Variants in RAB3B observed in about 807,000 individuals in gnomAD.
RAB3B encodes ras-related protein Rab-3B.
RAB3B carries 11 observed loss-of-function variants against 20.5 expected under a neutral mutation model. That is an observed-to-expected ratio of 0.54 (90% CI 0.34 to 0.89). The LOEUF (loss-of-function observed/expected upper bound fraction) is 0.89. Ranked by LOEUF, RAB3B falls within the 40% of genes least tolerant of loss-of-function variation. The pLI, the probability that RAB3B is intolerant of heterozygous loss-of-function variation, is 0.02. For synonymous variants in RAB3B, 99 were observed against 106.3 expected (o/e 0.93, Z 0.42); for missense variants, 225 against 280.9 (o/e 0.80, Z 1.42).
intron 2 of RAB3B, among the ~76,000 whole-genome samples, chr1:51,946,396 A>G (rs1684566163): frequency 6.6e-6 from 1 of 152,228 alleles, no homozygotes; most frequent in African/African-American, 2.4e-5. Context: ...TTCTCCTCCT[A>G]CTGATGAGAG....
intron 2 of RAB3B, among the ~76,000 whole-genome samples, chr1:51,966,603 T>C (rs1429740294): frequency 2.0e-5 from 3 of 152,148 alleles, no homozygotes; most frequent in African/African-American, 4.8e-5. Flanking sequence ...TGACTCCCCA[T>C]GGTCTTTGTT....
intron 2 of RAB3B, among the ~76,000 whole-genome samples, chr1:51,944,158 G>GC (rs1684532049): frequency 6.6e-6 from 1 of 152,126 alleles, no homozygotes; most frequent in South Asian, 2.1e-4. Flanking sequence ...AAATCCAAGG[G>GC]CCCCTCAAAA....
intron 2 of RAB3B, among the ~76,000 whole-genome samples, chr1:51,971,039 A>C (rs1008424031): frequency 2.6e-5 from 4 of 151,214 alleles, no homozygotes; most frequent in African/African-American, 9.7e-5. Context: ...AAAAAGAAAG[A>C]AAGCAACCCA....
chr1:51,978,742 T>C (rs1396551936), intron 1 of RAB3B, among the ~76,000 whole-genome samples: 3 of 152,158 alleles, frequency 2.0e-5, no homozygotes, highest in Admixed American at 6.6e-5. Flanking sequence ...AGGACAGCAT[T>C]CAAGTGTGAT....
At chr1:51,943,153 G>A (rs1384194651) in intron 2 of RAB3B, among the ~76,000 whole-genome samples, 1 of 152,130 alleles carries the variant, frequency 6.6e-6, no homozygotes, top group East Asian at 1.9e-4. Flanking sequence ...GGAGGCCGAG[G>A]CAGGTGGACC....
chr1:51,959,339 T>A (rs1460180008), intron 2 of RAB3B, among the ~76,000 whole-genome samples: 1 of 151,894 alleles, frequency 6.6e-6, no homozygotes, highest in Non-Finnish European at 1.5e-5. Context: ...TGCAAAAAAC[T>A]GAGACCCTGT....
At chr1:51,933,520 T>C (rs1390985546) in intron 3 of RAB3B, 78 bp from the exon 4 acceptor site, 13 of 1,376,350 alleles carry the variant, frequency 9.4e-6, no homozygotes, top group South Asian at 1.3e-5. Context: ...CAAATTTACA[T>C]GTTGAAGCCT....
At chr1:51,973,303 C>A (rs1231991060) in intron 2 of RAB3B, 2 of 152,104 alleles carry the variant, frequency 1.3e-5, no homozygotes, top group African/African-American at 4.8e-5. Flanking sequence ...CTAATGTATT[C>A]ATGAATAGTC....
chr1:51,923,177 G>A (rs1684195438), intron 4 of RAB3B, among the ~76,000 whole-genome samples: 1 of 152,182 alleles, frequency 6.6e-6, no homozygotes, highest in Non-Finnish European at 1.5e-5. Context: ...AGTGGGGTGG[G>A]GCAAGGCAAG....
At chr1:51,934,346 T>C (rs1684367022) in intron 3 of RAB3B, among the ~76,000 whole-genome samples, 1 of 152,140 alleles carries the variant, frequency 6.6e-6, no homozygotes, top group Admixed American at 6.6e-5. Context: ...AAGCTTCTCC[T>C]AGATCCACTT....
At chr1:51,933,217 C>A in intron 4 of RAB3B, 101 bp downstream of exon 4, 1 of 1,287,470 alleles carries the variant, frequency 7.8e-7, no homozygotes, top group Non-Finnish European at 1.1e-6. Flanking sequence ...ACAATCACAA[C>A]ACTAATGTCA....
At chr1:51,942,326 C>T (rs191866756) in intron 2 of RAB3B, among the ~76,000 whole-genome samples, 105 of 152,302 alleles carry the variant, frequency 6.9e-4, no homozygotes, top group Middle Eastern at 6.8e-3. Context: ...TCTTGTCACC[C>T]AACTGAATCC....
chr1:51,987,305 A>G (rs905991723), intron 1 of RAB3B, among the ~76,000 whole-genome samples: 1 of 152,158 alleles, frequency 6.6e-6, no homozygotes, highest in African/African-American at 2.4e-5. Context: ...AGTCCAAGAG[A>G]CCTGGCATTT....
chr1:51,960,499 G>A (rs972383305), intron 2 of RAB3B, among the ~76,000 whole-genome samples: 4 of 152,138 alleles, frequency 2.6e-5, no homozygotes, highest in Non-Finnish European at 5.9e-5. Context: ...TCCAGCTGTC[G>A]CCTGGCAACC....
intron 1 of RAB3B, among the ~76,000 whole-genome samples, chr1:51,980,069 AC>A (rs1460991646): frequency 4.6e-5 from 7 of 151,796 alleles, no homozygotes; most frequent in Non-Finnish European, 1.5e-5. Context: ...CTGACATCCC[AC>A]CCACTCAGAA....
chr1:51,989,133 A>ACC (rs57025489), intron 1 of RAB3B, among the ~76,000 whole-genome samples: 10 of 144,224 alleles, frequency 6.9e-5, no homozygotes, highest in African/African-American at 2.6e-4. Context: ...ACACACACAC[A>ACC]TCCTCTCCTT....
At chr1:51,973,051 AC>A (rs1684959068) in intron 2 of RAB3B, among the ~76,000 whole-genome samples, 1 of 152,058 alleles carries the variant, frequency 6.6e-6, no homozygotes, top group Non-Finnish European at 1.5e-5. Flanking sequence ...ATTTCCATCC[AC>A]CCTTCAAACT....
At chr1:51,937,191 G>T in intron 3 of RAB3B, 103 bp downstream of exon 3, 1 of 855,118 alleles carries the variant, frequency 1.2e-6, no homozygotes. Context: ...CAGTAACCAT[G>T]TCTGATTCAT....
intron 2 of RAB3B, among the ~76,000 whole-genome samples, chr1:51,953,833 A>C (rs767010802): frequency 1.3e-5 from 2 of 152,240 alleles, no homozygotes; most frequent in Non-Finnish European, 2.9e-5. Flanking sequence ...CCTAATGGTT[A>C]ATAAATATAC....
Sources: allele counts gnomAD v4.1 joint callset (sites outside exome capture counted in the v4.1 genomes callset), GRCh38; gene constraint gnomAD v4.1.1; transcripts MANE v1.5; gene names NCBI Gene and HGNC (gene_info 2026-07-23, HGNC 2026-07-21).